The following TAFA1 variants were observed in gnomAD, a reference collection of about 807,000 sequenced individuals.
TAFA1 encodes the protein chemokine-like protein TAFA-1.
TAFA1 carries 4 observed loss-of-function variants against 18.5 expected under a neutral mutation model. The observed-to-expected ratio is 0.22, with a 90% CI of 0.11 to 0.49. The LOEUF (loss-of-function observed/expected upper bound fraction) is 0.49. Among genes scored for constraint, TAFA1 ranks in the 20% least tolerant of loss-of-function variants. The pLI is 0.98. For missense variants in TAFA1, 147 were observed against 169.0 expected, an observed-to-expected ratio of 0.87 and a Z score of 0.72; for synonymous variants, 56 against 55.2, an observed-to-expected ratio of 1.01 and a Z score of -0.06.
In TAFA1 at chr3:68,254,595, C is replaced by T. The variant is rs556488242; in HGVS notation, c.119-162685C>T. Reference sequence around the variant, plus strand: ...CTACTGGAATCTATTCATATGGGAACCAAAGACATGCTGTGATGCCAAGTT... The same window carrying T: ...CTACTGGAATCTATTCATATGGGAATCAAAGACATGCTGTGATGCCAAGTT... On this transcript the variant is annotated intron_variant, in intron 2 of 4. Transcript: ENST00000478136. Among the ~76,000 whole-genome samples the T allele has an allele frequency of 5.2e-4, 79 of 151,718 alleles. 1 individual carries two copies. Among genetic ancestry groups the T allele is most frequent in the African/African-American group, 1.8e-3 (74 of 41,368 alleles).
intron 3 of TAFA1, among the ~76,000 whole-genome samples, chr3:68,488,329 G>T (rs1441204717): frequency 6.6e-6 from 1 of 152,186 alleles, no homozygotes; most frequent in South Asian, 2.1e-4. Flanking sequence ...ACGTTCTTCT[G>T]TCTGCTTTTA....
At chr3:68,496,693 G>A (rs1345488380) in intron 3 of TAFA1, among the ~76,000 whole-genome samples, 1 of 152,116 alleles carries the variant, frequency 6.6e-6, no homozygotes, top group African/African-American at 2.4e-5. Flanking sequence ...TTAAGAATAT[G>A]GGACCCAAGT....
intron 2 of TAFA1, among the ~76,000 whole-genome samples, chr3:68,008,154 C>T (rs2106771286): frequency 6.6e-6 from 1 of 152,308 alleles, no homozygotes. Context: ...TGCAGGTGGG[C>T]AGGGAAACCG....
At chr3:68,006,528 C>T (rs774118726) in intron 1 of TAFA1, 96 bp from the exon 2 acceptor site, 55 of 787,824 alleles carry the variant, frequency 7.0e-5, no homozygotes, top group Middle Eastern at 2.8e-4. Flanking sequence ...AGCAAAGGAA[C>T]ATGACGTCTG....
intron 2 of TAFA1, among the ~76,000 whole-genome samples, chr3:68,140,033 C>A (rs2065651345): frequency 6.6e-6 from 1 of 152,024 alleles, no homozygotes; most frequent in African/African-American, 2.4e-5. Flanking sequence ...TAGATGTCAC[C>A]CAAGTTGGCT....
chr3:68,038,865 A>G (rs1470770600), intron 2 of TAFA1, among the ~76,000 whole-genome samples: 1 of 152,200 alleles, frequency 6.6e-6, no homozygotes, highest in Non-Finnish European at 1.5e-5. Flanking sequence ...TTTACAATGC[A>G]TAACTCTATG....
intron 2 of TAFA1, among the ~76,000 whole-genome samples, chr3:68,012,457 C>T (rs1474138717): frequency 2.0e-5 from 3 of 152,078 alleles, no homozygotes; most frequent in Non-Finnish European, 4.4e-5. Context: ...GAAAAATGCC[C>T]ATGTTACATT....
At chr3:67,995,064 T>G in the TAFA1 span, among the ~76,000 whole-genome samples, 2 of 152,112 alleles carry the variant, frequency 1.3e-5, no homozygotes, top group Non-Finnish European at 2.9e-5. Flanking sequence ...AACAAATTAA[T>G]GAAATGGAGG....
chr3:68,353,632 C>T (rs2069310633), intron 2 of TAFA1, among the ~76,000 whole-genome samples: 1 of 151,934 alleles, frequency 6.6e-6, no homozygotes, highest in African/African-American at 2.4e-5. Flanking sequence ...AGAAGGAAAA[C>T]TCTAAATATT....
intron 2 of TAFA1, among the ~76,000 whole-genome samples, chr3:68,368,396 G>A (rs1012156061): frequency 6.6e-6 from 1 of 152,084 alleles, no homozygotes; most frequent in East Asian, 1.9e-4. Flanking sequence ...TCACCTTTGG[G>A]GCCAGAATTT....
intron 2 of TAFA1, among the ~76,000 whole-genome samples, chr3:68,405,595 G>T (rs1185419350): frequency 6.6e-6 from 1 of 150,600 alleles, no homozygotes; most frequent in Non-Finnish European, 1.5e-5. Flanking sequence ...AGCTACATGG[G>T]AGGCTGAGGT....
chr3:68,255,661 G>A, intron 2 of TAFA1, among the ~76,000 whole-genome samples: 1 of 151,724 alleles, frequency 6.6e-6, no homozygotes, highest in East Asian at 1.9e-4. Flanking sequence ...GAGTTTTATA[G>A]GGTTTTTTTT....
At chr3:68,114,324 G>C (rs556052629) in intron 2 of TAFA1, among the ~76,000 whole-genome samples, 1 of 152,210 alleles carries the variant, frequency 6.6e-6, no homozygotes, top group South Asian at 2.1e-4. Flanking sequence ...GCTAAACCTA[G>C]CCTAGAGCAG....
intron 2 of TAFA1, among the ~76,000 whole-genome samples, chr3:68,066,297 A>C (rs1162174300): frequency 6.6e-6 from 1 of 152,142 alleles, no homozygotes; most frequent in African/African-American, 2.4e-5. Context: ...TATTAGTTCC[A>C]TGAGAGCAGA....
intron 2 of TAFA1, among the ~76,000 whole-genome samples, chr3:68,058,339 T>C (rs1009616528): frequency 6.6e-6 from 1 of 152,226 alleles, no homozygotes; most frequent in African/African-American, 2.4e-5. Flanking sequence ...GAGTTCCCAG[T>C]ACATAATAAC....
At chr3:68,274,245 T>C (rs753273323) in intron 2 of TAFA1, among the ~76,000 whole-genome samples, 3 of 152,164 alleles carry the variant, frequency 2.0e-5, no homozygotes, top group Non-Finnish European at 4.4e-5. Context: ...TTTTATGCTG[T>C]TTAGGATGAT....
intron 2 of TAFA1, among the ~76,000 whole-genome samples, chr3:68,380,719 T>C (rs2069929898): frequency 6.6e-6 from 1 of 152,078 alleles, no homozygotes; most frequent in Non-Finnish European, 1.5e-5. Context: ...TTTTGTAGGT[T>C]GCCTGTTCAC....
At chr3:68,499,378 G>C (rs1452239131) in intron 3 of TAFA1, among the ~76,000 whole-genome samples, 1 of 147,052 alleles carries the variant, frequency 6.8e-6, no homozygotes, top group East Asian at 2.0e-4. Flanking sequence ...GGGTATTTTT[G>C]CTTTTTGTTT....
intron 4 of TAFA1, among the ~76,000 whole-genome samples, chr3:68,542,711 A>C (rs376385777): frequency 7.4e-4 from 113 of 152,272 alleles, no homozygotes; most frequent in African/African-American, 2.5e-3. Flanking sequence ...AAAAGGGTGG[A>C]TATTGGGGAA....
Sources: allele counts gnomAD v4.1 joint callset (sites outside exome capture counted in the v4.1 genomes callset), GRCh38; gene constraint gnomAD v4.1.1; transcripts MANE v1.5; gene names NCBI Gene and HGNC (gene_info 2026-07-23, HGNC 2026-07-21).